SESN1: variants seen among roughly 807,000 people sequenced by gnomAD.
SESN1 encodes the protein sestrin 1.
In SESN1, 30 loss-of-function variants were observed where a neutral mutation model predicts 59.3. That is an observed-to-expected ratio of 0.51 (90% confidence interval 0.38 to 0.69). The LOEUF is 0.69. SESN1 is among the 30% of genes least tolerant of loss of function. The probability of loss-of-function intolerance (pLI) is 0.00; values close to 1 mark genes in which losing one functional copy is unlikely to be tolerated. For missense variants in SESN1, 566 were observed against 673.0 expected (o/e 0.84, Z 1.76); for synonymous variants, 197 against 219.9 (o/e 0.90, Z 0.92).
At chr6:109,055,661 C>CAA (rs577017689) in intron 1 of SESN1, among the ~76,000 whole-genome samples, 31 of 51,206 alleles carry the variant, frequency 6.1e-4, no homozygotes, top group African/African-American at 1.0e-3. Context: ...GACTCCACCT[C>CAA]AAAAAAAAAA....
rs979179261 is a variant in SESN1, at chr6:109,032,831, AT to A, written c.280-30489del. Among the ~76,000 whole-genome samples, 7 of 152,238 alleles carry A rather than the reference AT, an allele frequency of 4.6e-5. No homozygotes were observed. In the East Asian group the frequency reaches 1.4e-3, roughly 29 times the overall value. On this transcript the variant is annotated intron_variant, in intron 1 of 9. Coordinates refer to ENST00000436639, the MANE Select transcript of SESN1 (RefSeq NM_014454.3). ...ATAGGAAGATATACCTTTTATAGCC[AT>A]TGCTTGAGGACAATAGGCTGTAGTT...
chr6:108,992,635 T>C lies in SESN1; in HGVS notation c.1233+152A>G, dbSNP rs535035774. 33 of 648,356 alleles carry C rather than the reference T, an allele frequency of 5.1e-5. No homozygotes were observed. The African/African-American group carries it at 5.7e-4, about 11-fold the overall frequency. 40.2% of individuals were successfully genotyped at this position (648,356 alleles called of 1,614,324 possible). A position where few individuals can be genotyped will look rare whatever the true frequency, so the allele number is the denominator to read the frequency against. ...CTACAGTATGATTCCATGGATGAAT[T>C]AGAAACAGTCTTTCACCTTTTATTC... On this transcript the variant is annotated intron_variant, in intron 7 of 9. Transcript: ENST00000436639.
chr6:109,032,941 G>A (rs1780205649), intron 1 of SESN1, among the ~76,000 whole-genome samples: 1 of 152,108 alleles, frequency 6.6e-6, no homozygotes, highest in Non-Finnish European at 1.5e-5. Flanking sequence ...TGCCTTGTAA[G>A]AACCCACACA....
At chr6:108,989,496 TAG>T (rs1779303984) in intron 8 of SESN1, among the ~76,000 whole-genome samples, 1 of 145,672 alleles carries the variant, frequency 6.9e-6, no homozygotes, top group African/African-American at 2.5e-5. Flanking sequence ...TCTCTAGATC[TAG>T]AGATATCTAT....
intron 1 of SESN1, chr6:109,009,484 CGCGCGGAG>C: frequency 8.1e-7 from 1 of 1,238,038 alleles, no homozygotes; most frequent in Non-Finnish European, 1.0e-6. Flanking sequence ...CGGCTGCGGA[CGCGCGGAG>C]GCGGCGAGCG....
At chr6:109,001,861 A>G (rs1779632933) in intron 2 of SESN1, among the ~76,000 whole-genome samples, 1 of 152,218 alleles carries the variant, frequency 6.6e-6, no homozygotes, top group South Asian at 2.1e-4. Context: ...AAAATTAACT[A>G]ATAGCATACA....
At chr6:109,093,637 G>GA (rs1474842869) in intron 1 of SESN1, among the ~76,000 whole-genome samples, 158 bp downstream of exon 1, 7 of 152,132 alleles carry the variant, frequency 4.6e-5, no homozygotes, top group Non-Finnish European at 1.0e-4. Flanking sequence ...TAAAACTCTA[G>GA]AAAAACACTA....
intron 7 of SESN1, among the ~76,000 whole-genome samples, chr6:108,991,156 C>G (rs914333491): frequency 9.9e-5 from 15 of 152,202 alleles, no homozygotes; most frequent in Non-Finnish European, 2.1e-4. Flanking sequence ...CTCAGCCCCC[C>G]AGATGTGACC....
chr6:109,007,462 C>T (rs1012863736), intron 1 of SESN1, among the ~76,000 whole-genome samples: 17 of 152,138 alleles, frequency 1.1e-4, no homozygotes, highest in Non-Finnish European at 1.5e-4. Context: ...TTGTTTTCCT[C>T]GCTACACTAT....
chr6:109,020,752 T>C (rs1354956951), intron 1 of SESN1, among the ~76,000 whole-genome samples: 1 of 152,200 alleles, frequency 6.6e-6, no homozygotes, highest in East Asian at 1.9e-4. Context: ...TTACCTGCAA[T>C]ATAGACACAA....
At chr6:109,081,919 C>T (rs1781128446) in intron 1 of SESN1, among the ~76,000 whole-genome samples, 1 of 152,210 alleles carries the variant, frequency 6.6e-6, no homozygotes, top group Non-Finnish European at 1.5e-5. Flanking sequence ...GCTCTAATGT[C>T]CTCATTAAAC....
rs1447552405 is a variant in SESN1 at position 108,985,572 on chromosome 6, CAT to C, written c.*1970_*1971del. On this transcript the variant is annotated 3_prime_UTR_variant, in exon 10 of 10. Transcript: ENST00000436639. ...GCACTTTTATTACTTTAGGTATAAA[CAT>C]ATTTTTTAACTCATTAAAATTTTGA... Among the ~76,000 whole-genome samples the C allele has an allele frequency of 4.6e-5, 7 of 152,250 alleles. No homozygotes were observed. The highest frequency in any genetic ancestry group is 1.9e-4 in the East Asian group (1 of 5,184).
intron 1 of SESN1, among the ~76,000 whole-genome samples, chr6:109,074,728 GGATTT>G (rs1482874654): frequency 2.0e-5 from 3 of 152,038 alleles, no homozygotes; most frequent in African/African-American, 7.2e-5. Context: ...TAAAGTTTTG[GGATTT>G]GCTTTTAATT....
At chr6:109,061,764 A>G (rs890702592) in intron 1 of SESN1, among the ~76,000 whole-genome samples, 5 of 152,066 alleles carry the variant, frequency 3.3e-5, no homozygotes, top group African/African-American at 1.2e-4. Flanking sequence ...AGAGCGCACC[A>G]CTGCACTCCA....
chr6:109,020,959 T>C (rs546713344), intron 1 of SESN1, among the ~76,000 whole-genome samples: 4 of 152,312 alleles, frequency 2.6e-5, no homozygotes, highest in Non-Finnish European at 5.9e-5. Context: ...TGCTTTGTCA[T>C]TATCATTAAT....
rs114632647 is a variant in SESN1 at position 109,090,110 on chromosome 6, C to T, written c.279+3685G>A. Among the ~76,000 whole-genome samples the T allele has an allele frequency of 2.4e-3, 366 of 152,312 alleles. 4 individuals are homozygous for T. Among genetic ancestry groups the T allele is most frequent in the African/African-American group, 8.5e-3 (352 of 41,566 alleles). On this transcript the variant is annotated intron_variant, in intron 1 of 9. Transcript: ENST00000436639. ...ACATTAACTGAGCATTTCTTTTATG[C>T]TAGGCACTGTGCTATGCTTTGCAAA... is the stretch of plus-strand genomic sequence containing the variant.
At chr6:109,083,314 G>A (rs997264495) in intron 1 of SESN1, among the ~76,000 whole-genome samples, 12 of 152,126 alleles carry the variant, frequency 7.9e-5, no homozygotes, top group Admixed American at 2.6e-4. Flanking sequence ...TAGATGGTTA[G>A]GAAATAAAGT....
intron 1 of SESN1, among the ~76,000 whole-genome samples, chr6:109,073,990 T>C (rs1780982721): frequency 6.6e-6 from 1 of 152,206 alleles, no homozygotes; most frequent in African/African-American, 2.4e-5. Flanking sequence ...CATAATAACA[T>C]TTTGGTCAAC....
chr6:109,031,965 C>G (rs758332939), intron 1 of SESN1, among the ~76,000 whole-genome samples: 14 of 152,112 alleles, frequency 9.2e-5, no homozygotes, highest in Non-Finnish European at 1.5e-4. Context: ...ATACACATAT[C>G]TTGAAGGTAA....
Sources: allele counts gnomAD v4.1 joint callset (sites outside exome capture counted in the v4.1 genomes callset), GRCh38; gene constraint gnomAD v4.1.1; transcripts MANE v1.5; gene names NCBI Gene and HGNC (gene_info 2026-07-23, HGNC 2026-07-21).